Variants in AEBP2 observed in about 807,000 individuals in gnomAD.
AEBP2 encodes zinc finger protein AEBP2.
AEBP2 carries 10 observed loss-of-function variants against 50.8 expected under a neutral mutation model. The ratio of observed to expected loss-of-function variants is 0.20; its 90% CI spans 0.12 to 0.33. The LOEUF (loss-of-function observed/expected upper bound fraction) is 0.33, where lower values mean the gene tolerates loss of function less well. Among genes scored for constraint, AEBP2 ranks in the 10% least tolerant of loss-of-function variants. The probability of loss-of-function intolerance (pLI) is 1.00; values close to 1 mark genes in which losing one functional copy is unlikely to be tolerated. For missense variants in AEBP2, 570 were observed against 688.0 expected (o/e 0.83, Z 1.92); for synonymous variants, 296 against 261.3 (o/e 1.13, Z -1.28).
chr12:19,498,526 C>CT (rs1187630844), intron 4 of AEBP2, among the ~76,000 whole-genome samples: 2 of 152,058 alleles, frequency 1.3e-5, no homozygotes, highest in African/African-American at 4.8e-5. Flanking sequence ...GTTTTGAGAA[C>CT]TCTTTGAATA....
chr12:19,438,279 T>A (rs192868726), upstream of AEBP2, among the ~76,000 whole-genome samples: 1 of 152,352 alleles, frequency 6.6e-6, no homozygotes. Context: ...ATTAAAAGTA[T>A]TTTTTCTTTG....
chr12:19,456,484 C>T, intron 1 of AEBP2: 2 of 1,490,854 alleles, frequency 1.3e-6, no homozygotes, highest in African/African-American at 1.4e-5. Context: ...AGCTTTTTAC[C>T]AACATGGCGA....
chr12:19,420,904 A>T (rs551083367), intron 1 of AEBP2, among the ~76,000 whole-genome samples: 4 of 152,222 alleles, frequency 2.6e-5, no homozygotes, highest in Admixed American at 6.5e-5. Context: ...GGCACAGCCA[A>T]TCCTAGTAAA....
At chr12:19,412,222 A>G (rs2095739576) in intron 1 of AEBP2, among the ~76,000 whole-genome samples, 1 of 152,222 alleles carries the variant, frequency 6.6e-6, no homozygotes, top group Non-Finnish European at 1.5e-5. Context: ...TATGAACACT[A>G]GAGCTGATGT....
chr12:19,470,827 G>C (rs1948560357), intron 2 of AEBP2, among the ~76,000 whole-genome samples: 1 of 152,164 alleles, frequency 6.6e-6, no homozygotes. Flanking sequence ...TTCAGAGTAG[G>C]GCGGGGGGGT....
intron 1 of AEBP2, among the ~76,000 whole-genome samples, chr12:19,448,354 G>T (rs568850949): frequency 1.3e-5 from 2 of 152,028 alleles, no homozygotes; most frequent in South Asian, 2.1e-4. Flanking sequence ...AAAATTAGGC[G>T]CATGCCTGTA....
chr12:19,461,946 A>G (rs1387704211), intron 1 of AEBP2, among the ~76,000 whole-genome samples: 11 of 152,210 alleles, frequency 7.2e-5, no homozygotes, highest in Admixed American at 3.3e-4. Flanking sequence ...CTTTAGAAAA[A>G]TCAGAGACCA....
intron 3 of AEBP2, among the ~76,000 whole-genome samples, chr12:19,490,678 C>G (rs1948884331): frequency 6.6e-6 from 1 of 152,136 alleles, no homozygotes; most frequent in Admixed American, 6.5e-5. Context: ...GTTGGCCAGG[C>G]TGGTCTCAAA....
chr12:19,433,520 C>T (rs2095752502), intron 1 of AEBP2, among the ~76,000 whole-genome samples: 1 of 152,014 alleles, frequency 6.6e-6, no homozygotes, highest in Non-Finnish European at 1.5e-5. Flanking sequence ...TGGTTCATGC[C>T]TGTAATCCTA....
At chr12:19,502,979 GT>G (rs1400339270) in intron 5 of AEBP2, among the ~76,000 whole-genome samples, 3 of 152,130 alleles carry the variant, frequency 2.0e-5, no homozygotes, top group Non-Finnish European at 4.4e-5. Flanking sequence ...ATGCTGCACT[GT>G]TTTGGTTACT....
chr12:19,518,039 T>C lies in AEBP2; in HGVS notation c.1482-48T>C, dbSNP rs1402153784. 4 of 1,534,678 alleles carry C rather than the reference T, an allele frequency of 2.6e-6. No individual in the cohort carries two copies. In the Admixed American group the frequency reaches 5.7e-5, roughly 22 times the overall value. The stretch of plus-strand genomic sequence containing the variant: ...TTTAATGTCTCTTGAAGCACTCAAA[T>C]GTGTTTGATTCAGTTGAATAAAAGG... On this transcript the variant is annotated intron_variant, in intron 7 of 7. Transcript: ENST00000266508.
chr12:19,408,686 G>C (rs990441302), intron 1 of AEBP2, among the ~76,000 whole-genome samples: 1 of 152,172 alleles, frequency 6.6e-6, no homozygotes, highest in East Asian at 1.9e-4. Flanking sequence ...TGGATCACGA[G>C]GTCAGGAGTT....
intron 1 of AEBP2, among the ~76,000 whole-genome samples, chr12:19,420,187 C>T (rs1592705608): frequency 6.6e-6 from 1 of 151,362 alleles, no homozygotes; most frequent in African/African-American, 2.4e-5. Context: ...CCTTGATTGG[C>T]TAATTTTTTT....
chr12:19,512,777 G>A (rs1949254660), intron 6 of AEBP2, among the ~76,000 whole-genome samples: 1 of 151,718 alleles, frequency 6.6e-6, no homozygotes. Flanking sequence ...GTAAAACCCT[G>A]TCTCTACTAA....
chr12:19,448,186 C>T (rs944283241), intron 1 of AEBP2, among the ~76,000 whole-genome samples: 1 of 152,004 alleles, frequency 6.6e-6, no homozygotes, highest in Non-Finnish European at 1.5e-5. Context: ...GGATTACAGG[C>T]GTGAGCCACT....
At chr12:19,461,966 C>G (rs1592736402) in intron 1 of AEBP2, among the ~76,000 whole-genome samples, 1 of 152,152 alleles carries the variant, frequency 6.6e-6, no homozygotes, top group African/African-American at 2.4e-5. Flanking sequence ...AGTTTTCTCT[C>G]TTCTGCTTTT....
At chr12:19,419,796 G>T (rs977278244) in intron 1 of AEBP2, among the ~76,000 whole-genome samples, 3 of 150,682 alleles carry the variant, frequency 2.0e-5, no homozygotes, top group African/African-American at 7.3e-5. Flanking sequence ...CGGGCGTGGT[G>T]GTGTGCGTCT....
chr12:19,515,210 GT>G (rs1043841922), intron 7 of AEBP2, among the ~76,000 whole-genome samples: 1 of 151,976 alleles, frequency 6.6e-6, no homozygotes, highest in Non-Finnish European at 1.5e-5. Flanking sequence ...AATATTATTT[GT>G]TTTTTAAGAC....
intron 1 of AEBP2, among the ~76,000 whole-genome samples, chr12:19,462,164 T>C (rs781242474): frequency 3.9e-5 from 6 of 152,172 alleles, no homozygotes; most frequent in Non-Finnish European, 7.3e-5. Context: ...TACTTTCTTA[T>C]GCTTCTTTGA....
Sources: gnomAD v4.1 joint callset for allele counts (sites outside exome capture counted in the v4.1 genomes callset) on GRCh38, gnomAD v4.1.1 for gene constraint, MANE v1.5 for transcripts, NCBI Gene and HGNC (gene_info 2026-07-23, HGNC 2026-07-21) for gene names.